Variants in DNAH7 observed in about 807,000 individuals in gnomAD.
DNAH7 encodes the protein axonemal beta dynein heavy chain 7.
In DNAH7, 397 loss-of-function variants were observed where a neutral mutation model predicts 444.6. That is an observed-to-expected ratio of 0.89 (90% CI 0.82 to 0.97). The LOEUF is 0.97. Ranked by LOEUF, DNAH7 falls within the 50% of genes least tolerant of loss-of-function variation. The pLI, the probability that DNAH7 is intolerant of heterozygous loss-of-function variation, is 0.00. For missense variants in DNAH7, 4,902 were observed against 4,800.8 expected, an observed-to-expected ratio of 1.02 and a Z score of -0.62; for synonymous variants, 1,636 against 1,624.4, an observed-to-expected ratio of 1.01 and a Z score of -0.17.
chr2:195,978,545 G>T (rs1850857), intron 15 of DNAH7, among the ~76,000 whole-genome samples: 44,808 of 151,722 alleles, frequency 0.3, 8,924 homozygotes, highest in African/African-American at 0.57. Context: ...CAGGAGTATA[G>T]CCTTACTTAT....
chr2:195,890,761 C>A (rs757878893), intron 31 of DNAH7, among the ~76,000 whole-genome samples: 1 of 152,122 alleles, frequency 6.6e-6, no homozygotes, highest in Non-Finnish European at 1.5e-5. Flanking sequence ...AAGGTCTTTC[C>A]AGCAATAAGA....
intron 5 of DNAH7, among the ~76,000 whole-genome samples, chr2:196,033,338 G>A (rs1302015318): frequency 6.6e-6 from 1 of 152,056 alleles, no homozygotes; most frequent in Non-Finnish European, 1.5e-5. Flanking sequence ...CAAAGATTTT[G>A]AAATGCACAA....
In DNAH7 at chr2:195,936,072, T is replaced by C. The variant is rs141307697; in HGVS notation, c.3272+527A>G. ...GCTGTGTTCTGAAAAATCTGTAAGA[T>C]GTGATAAGTTAAGAAATCTGGCCAG... On this transcript the variant is annotated intron_variant, in intron 20 of 64. Transcript: ENST00000312428. 1.8e-4 allele frequency among the ~76,000 whole-genome samples: 27 copies of C among 152,260 alleles called. No homozygotes were observed. In the East Asian group the frequency reaches 5.0e-3, roughly 28 times the overall value.
Position 195,875,772 on chromosome 2 carries a change from A to G in DNAH7, c.6189T>C (p.Leu2063=). Reference sequence around the variant, plus strand: ...AGTTCCAGTGGTCTAACCACTGTCTAAGTAACTCAATGGGAGGTTGAGCCC... The same window carrying G: ...AGTTCCAGTGGTCTAACCACTGTCTGAGTAACTCAATGGGAGGTTGAGCCC... ...VYGAQPPIEL[L]RQWLDHWNWY... The change falls in exon 38 of 65, where the codon CTT becomes CTC. Residue 2063 remains leucine (L), a synonymous_variant. Coordinates refer to ENST00000312428, the MANE Select transcript of DNAH7 (RefSeq NM_018897.3). 1 of 1,613,868 alleles carries G rather than the reference A, an allele frequency of 6.2e-7. No individual in the cohort carries two copies.
At chr2:195,766,833 A>C (rs909515331) in intron 61 of DNAH7, among the ~76,000 whole-genome samples, 1 of 152,188 alleles carries the variant, frequency 6.6e-6, no homozygotes, top group African/African-American at 2.4e-5. Flanking sequence ...AACCACAAAA[A>C]TAAGAAATAA....
intron 12 of DNAH7, chr2:195,994,718 G>T: frequency 2.0e-6 from 1 of 489,318 alleles, no homozygotes; most frequent in South Asian, 1.6e-5. Flanking sequence ...TGGTCTTTAA[G>T]ACCACTAAGT....
intron 2 of DNAH7, among the ~76,000 whole-genome samples, chr2:196,053,653 C>T (rs1697625152): frequency 3.3e-5 from 5 of 152,168 alleles, no homozygotes; most frequent in Admixed American, 3.3e-4. Context: ...ACCTCTACCT[C>T]TCAAAGGCAC....
rs1455043189 is a variant in DNAH7 at position 195,858,755 on chromosome 2, C to T, written c.7786G>A (p.Asp2596Asn). ...KRYEVGLEKL[D>N]SASSQVATMQ... ...GTGGCTACTTGAGATGAAGCAGAATCCAGTTTCTCCAAACCCACTTCATAT... is the reference window on the plus strand; with the variant it reads ...GTGGCTACTTGAGATGAAGCAGAATTCAGTTTCTCCAAACCCACTTCATAT... Residue 2596 changes from aspartate (D) to asparagine (N), a missense_variant, in exon 43 of 65, where the codon GAT (aspartate) becomes AAT (asparagine). Physicochemically the swap from Asp to Asn is conservative, Grantham distance 23. Transcript: ENST00000312428. 1.9e-6 allele frequency: 3 copies of T among 1,613,562 alleles called. No homozygotes were observed. Among genetic ancestry groups the T allele is most frequent in the Non-Finnish European group, 1.7e-6 (2 of 1,179,822 alleles).
intron 15 of DNAH7, among the ~76,000 whole-genome samples, chr2:195,977,370 T>C (rs1692279808): frequency 1.3e-5 from 2 of 152,108 alleles, no homozygotes; most frequent in South Asian, 4.1e-4. Flanking sequence ...GAAGAATGCA[T>C]CAGACTCTTA....
chr2:195,805,334 A>G (rs993323013), intron 54 of DNAH7, among the ~76,000 whole-genome samples: 1 of 152,196 alleles, frequency 6.6e-6, no homozygotes, highest in Non-Finnish European at 1.5e-5. Flanking sequence ...CTTAGAAAAC[A>G]AAGTGAAAAA....
intron 47 of DNAH7, among the ~76,000 whole-genome samples, chr2:195,837,741 G>A (rs530618694): frequency 6.6e-6 from 1 of 152,214 alleles, no homozygotes; most frequent in South Asian, 2.1e-4. Flanking sequence ...AGAAAAAGCA[G>A]TGGTGCAGTT....
intron 46 of DNAH7, among the ~76,000 whole-genome samples, chr2:195,846,315 T>C (rs1470334342): frequency 1.3e-5 from 2 of 152,186 alleles, no homozygotes; most frequent in South Asian, 2.1e-4. Context: ...TGAGATACCA[T>C]CTCGCACCAA....
rs535413955 is a variant in DNAH7 at position 195,895,371 on chromosome 2, CGT to C, written c.4648-149_4648-148del. The C allele has an allele frequency of 3.7e-3, 1,933 of 516,444 alleles. 9 individuals carry two copies. Among genetic ancestry groups the C allele is most frequent in the South Asian group, 8.1e-3 (149 of 18,506 alleles). 32.0% of individuals were successfully genotyped at this position (516,444 alleles called of 1,614,324 possible). On this transcript the variant is annotated intron_variant, in intron 29 of 64. Coordinates refer to ENST00000312428, the MANE Select transcript of DNAH7 (RefSeq NM_018897.3). Reference sequence around the variant, plus strand: ...TAGAGGAATAGTTCACATACGCAAACGTGTATTTTTTTCTTTTTTTCAATTTT... The same window carrying C: ...TAGAGGAATAGTTCACATACGCAAACGTATTTTTTTCTTTTTTTCAATTTT...
intron 48 of DNAH7, among the ~76,000 whole-genome samples, chr2:195,832,622 T>C (rs1448490826): frequency 6.6e-6 from 1 of 151,968 alleles, no homozygotes; most frequent in Non-Finnish European, 1.5e-5. Flanking sequence ...TTTGTATTTT[T>C]TGTAAAGATG....
chr2:195,996,643 C>T (rs993485859), intron 12 of DNAH7, among the ~76,000 whole-genome samples: 1 of 152,118 alleles, frequency 6.6e-6, no homozygotes, highest in Non-Finnish European at 1.5e-5. Context: ...CCAGGCTGAT[C>T]TCAAACTCCT....
At chr2:195,952,946 C>T (rs929539949) in intron 19 of DNAH7, among the ~76,000 whole-genome samples, 1 of 152,144 alleles carries the variant, frequency 6.6e-6, no homozygotes, top group Non-Finnish European at 1.5e-5. Context: ...ATTTGTGAAA[C>T]TCATTCTCGG....
At chr2:195,795,856 C>A (rs575446100) in intron 56 of DNAH7, 2 of 152,196 alleles carry the variant, frequency 1.3e-5, no homozygotes, top group Admixed American at 1.3e-4. Context: ...CGCTAAGTGA[C>A]GTAAAGAAAA....
At chr2:195,790,995 G>C (rs1347828217) in intron 57 of DNAH7, among the ~76,000 whole-genome samples, 1 of 152,072 alleles carries the variant, frequency 6.6e-6, no homozygotes, top group East Asian at 1.9e-4. Flanking sequence ...AATTTAGCAA[G>C]CAATAAACAA....
chr2:195,814,661 T>C (rs2124880426), intron 51 of DNAH7, among the ~76,000 whole-genome samples: 1 of 152,312 alleles, frequency 6.6e-6, no homozygotes, highest in East Asian at 1.9e-4. Context: ...AGGTAGAAAT[T>C]AAGACCAGTA....
Sources: gnomAD v4.1 joint callset for allele counts (sites outside exome capture counted in the v4.1 genomes callset) on GRCh38, gnomAD v4.1.1 for gene constraint, MANE v1.5 for transcripts, NCBI Gene and HGNC (gene_info 2026-07-23, HGNC 2026-07-21) for gene names.